Variants in DNAH8 observed in about 807,000 individuals in gnomAD.
DNAH8 encodes the protein dynein axonemal heavy chain 8.
In DNAH8, 382 loss-of-function variants were observed where a neutral mutation model predicts 562.1. That is an observed-to-expected ratio of 0.68 (90% CI 0.63 to 0.74). The LOEUF is 0.74. Ranked by LOEUF, DNAH8 falls within the 30% of genes least tolerant of loss-of-function variation. The pLI, the probability that DNAH8 is intolerant of heterozygous loss-of-function variation, is 0.00. For synonymous variants in DNAH8, 1,881 were observed against 1,919.4 expected, an observed-to-expected ratio of 0.98 and a Z score of 0.52; for missense variants, 5,203 against 5,620.4, an observed-to-expected ratio of 0.93 and a Z score of 2.37.
chr6:38,975,670 C>T (rs1235822773), intron 85 of DNAH8, among the ~76,000 whole-genome samples: 1 of 152,182 alleles, frequency 6.6e-6, no homozygotes, highest in African/African-American at 2.4e-5. Flanking sequence ...TACTAAGTTC[C>T]ATTGTGGCCT....
At chr6:38,827,265 A>G (rs2150345101) in intron 29 of DNAH8, among the ~76,000 whole-genome samples, 1 of 152,306 alleles carries the variant, frequency 6.6e-6, no homozygotes, top group East Asian at 1.9e-4. Context: ...GCTCCTTAAC[A>G]TAATCATATC....
chr6:38,892,367 T>A (rs930989516), intron 58 of DNAH8, among the ~76,000 whole-genome samples: 2 of 152,200 alleles, frequency 1.3e-5, no homozygotes, highest in Admixed American at 1.3e-4. Context: ...AAAGTTACCA[T>A]GTCCAAACAG....
intron 12 of DNAH8, among the ~76,000 whole-genome samples, chr6:38,771,244 T>C (rs1037604199): frequency 6.6e-6 from 1 of 152,208 alleles, no homozygotes; most frequent in Non-Finnish European, 1.5e-5. Context: ...GACCTAGACA[T>C]GTTTGGAAGC....
In DNAH8 at chr6:38,828,278, A is replaced by C; in HGVS notation, c.4178A>C (p.Gln1393Pro). Residue 1393 changes from glutamine to proline, a missense_variant, in exon 30 of 93, where the codon CAG (glutamine) becomes CCG (proline). By Grantham distance (76) the Gln-to-Pro change is moderately conservative (BLOSUM62 -1). Transcript: ENST00000327475. ...TTAAGATATTCTTTCAACAAATTGC[A>C]GAGCAAAGCTGTAAGTATGAATTTA... ...DTLRYSFNKL[Q>P]SKAVSVQEDL... 6.4e-7 allele frequency: 1 copy of C among 1,559,820 alleles called. No homozygotes were observed. The highest frequency in any genetic ancestry group is 1.4e-5 in the African/African-American group (1 of 72,778).
At chr6:38,839,866 T>G (rs1774633756) in intron 33 of DNAH8, among the ~76,000 whole-genome samples, 1 of 152,168 alleles carries the variant, frequency 6.6e-6, no homozygotes, top group Non-Finnish European at 1.5e-5. Flanking sequence ...TTCATCATGT[T>G]GGTCAGGCTG....
intron 65 of DNAH8, 37 bp from the exon 66 acceptor site, chr6:38,911,431 A>C (rs201759680): frequency 3.4e-5 from 50 of 1,452,102 alleles, no homozygotes; most frequent in Non-Finnish European, 1.3e-5. Context: ...GAGTACGCAC[A>C]ATGATTGAAA....
At chr6:39,026,744 A>G in intron 92 of DNAH8, 77 bp downstream of exon 92, 27 of 1,514,468 alleles carry the variant, frequency 1.8e-5, no homozygotes, top group Non-Finnish European at 2.3e-5. Flanking sequence ...AAACTGAGCT[A>G]TGAGTGCCTT....
chr6:38,875,603 C>T lies in DNAH8; in HGVS notation c.7633C>T (p.Leu2545=). ...CNYIVQSLNL[L]EGLIPSKEEG... ...GAAACATTTTCAGTCTCTCAATCTT[C>T]TGGAAGGGTTAATTCCCTCCAAAGA... is the stretch of plus-strand genomic sequence containing the variant. The change falls in exon 53 of 93, where the codon CTG becomes TTG. Residue 2545 remains leucine (L), a synonymous_variant. Transcript: ENST00000327475. The T allele has an allele frequency of 1.3e-6, 2 of 1,590,652 alleles. No individual in the cohort carries two copies. The highest frequency in any genetic ancestry group is 1.7e-6 in the Non-Finnish European group (2 of 1,165,266).
At chr6:38,871,565 G>A (rs1777466578) in intron 49 of DNAH8, among the ~76,000 whole-genome samples, 1 of 152,048 alleles carries the variant, frequency 6.6e-6, no homozygotes, top group Non-Finnish European at 1.5e-5. Context: ...ATACATTTCT[G>A]TCCAAAATGT....
intron 80 of DNAH8, among the ~76,000 whole-genome samples, chr6:38,946,846 G>T (rs1038823707): frequency 2.0e-5 from 3 of 152,160 alleles, no homozygotes; most frequent in African/African-American, 7.2e-5. Flanking sequence ...ATCTCGGTCT[G>T]ATCAGAGATT....
chr6:38,932,414 C>G (rs1782625410), intron 76 of DNAH8, among the ~76,000 whole-genome samples: 1 of 151,926 alleles, frequency 6.6e-6, no homozygotes, highest in Non-Finnish European at 1.5e-5. Flanking sequence ...GGAGCCATAC[C>G]TTTATTTTTA....
chr6:38,798,785 A>G (rs1027077083), intron 21 of DNAH8, among the ~76,000 whole-genome samples: 5 of 152,192 alleles, frequency 3.3e-5, no homozygotes, highest in African/African-American at 1.2e-4. Flanking sequence ...GGGATTGTGT[A>G]TGGGACAGTA....
At chr6:38,782,903 C>A in intron 16 of DNAH8, 101 bp from the exon 17 acceptor site, 1 of 1,084,600 alleles carries the variant, frequency 9.2e-7, no homozygotes, top group Non-Finnish European at 1.3e-6. Flanking sequence ...AAACTGGTAG[C>A]ATAATTATTT....
intron 43 of DNAH8, among the ~76,000 whole-genome samples, chr6:38,861,482 G>A (rs552294055): frequency 2.4e-4 from 37 of 152,312 alleles, no homozygotes; most frequent in Admixed American, 6.5e-4. Flanking sequence ...CTAAATGAGC[G>A]AATTATTTCA....
chr6:38,835,063 G>T (rs141589977), intron 32 of DNAH8, among the ~76,000 whole-genome samples: 86 of 152,068 alleles, frequency 5.7e-4, no homozygotes, highest in Non-Finnish European at 1.0e-3. Flanking sequence ...TCCTCTGCCT[G>T]TACAATACTC....
chr6:39,030,485 A>T lies in DNAH8; in HGVS notation c.*93A>T. 1 of 1,108,400 alleles carries T rather than the reference A, an allele frequency of 9.0e-7. No homozygotes were observed. 68.7% of individuals were successfully genotyped at this position (1,108,400 alleles called of 1,614,324 possible). ...ATGTGTGTGTCTTTTCTCCCCAGTA[A>T]TTCCTTAATTACTCTTTCTACATTA... is the stretch of plus-strand genomic sequence containing the variant. On this transcript the variant is annotated 3_prime_UTR_variant, in exon 93 of 93. Coordinates refer to ENST00000327475, the MANE Select transcript of DNAH8 (RefSeq NM_001206927.2).
At chr6:38,923,012 A>G (rs768758029) in intron 71 of DNAH8, 46 bp from the exon 72 acceptor site, 1 of 1,585,178 alleles carries the variant, frequency 6.3e-7, no homozygotes, top group South Asian at 1.2e-5. Flanking sequence ...GTTTGTGTTA[A>G]GCACTTAGAA....
Position 38,866,876 on chromosome 6 carries a change from G to C in DNAH8, c.6693G>C (p.Gln2231His). The C allele has an allele frequency of 6.3e-7, 1 of 1,581,986 alleles. No individual in the cohort carries two copies. The highest frequency in any genetic ancestry group is 8.7e-7 in the Non-Finnish European group (1 of 1,153,558). ...TCTGTGAAGAGCAACTTACTAAACA[G>C]GTAACTTTATAGATCTGCTTTCCTC... ...YKLCEEQLTKQVHYDFGLRNI... is the reference protein window; with the variant it reads ...YKLCEEQLTKHVHYDFGLRNI... Residue 2231 changes from glutamine (Q) to histidine (H), a missense_variant and splice_region_variant, in exon 47 of 93, where the codon CAG (glutamine) becomes CAC (histidine). Gln to His is a conservative substitution (Grantham distance 24, BLOSUM62 0). This residue lies in a region of DNAH8 where 2,176 missense variants were observed against 2,365.1 expected (regional missense o/e 0.92). Transcript: ENST00000327475.
At chr6:38,995,603 T>C (rs1441084712) in intron 88 of DNAH8, among the ~76,000 whole-genome samples, 1 of 152,222 alleles carries the variant, frequency 6.6e-6, no homozygotes, top group Non-Finnish European at 1.5e-5. Flanking sequence ...AGGAAATTAT[T>C]TGTTTCATCT....
Sources: allele counts gnomAD v4.1 joint callset (sites outside exome capture counted in the v4.1 genomes callset), GRCh38; gene constraint gnomAD v4.1.1; regional missense constraint gnomAD v4.1.1; transcripts MANE v1.5; gene names NCBI Gene and HGNC (gene_info 2026-07-23, HGNC 2026-07-21).